STARD9: variants seen among roughly 807,000 people sequenced by gnomAD.
The protein encoded by STARD9 is StAR related lipid transfer domain containing 9, also known as stAR-related lipid transfer protein 9.
In STARD9, 346 loss-of-function variants were observed where a neutral mutation model predicts 399.8. The observed-to-expected ratio is 0.87, with a 90% CI of 0.79 to 0.95. The LOEUF (loss-of-function observed/expected upper bound fraction) is 0.95, where lower values mean the gene tolerates loss of function less well. Ranked by LOEUF, STARD9 falls within the 40% of genes least tolerant of loss-of-function variation. The probability of loss-of-function intolerance (pLI) is 0.00; values close to 1 mark genes in which losing one functional copy is unlikely to be tolerated. For synonymous variants in STARD9, 2,203 were observed against 2,143.5 expected, an observed-to-expected ratio of 1.03 and a Z score of -0.77; for missense variants, 5,832 against 5,667.5, an observed-to-expected ratio of 1.03 and a Z score of -0.93.
At chr15:42,673,551 C>A (rs2060246361) in intron 16 of STARD9, among the ~76,000 whole-genome samples, 1 of 152,076 alleles carries the variant, frequency 6.6e-6, no homozygotes, top group African/African-American at 2.4e-5. Context: ...GGCAGTTTAT[C>A]CCCTGTGAGC....
chr15:42,591,061 C>T (rs1239524045), intron 3 of STARD9, among the ~76,000 whole-genome samples: 1 of 152,184 alleles, frequency 6.6e-6, no homozygotes, highest in Non-Finnish European at 1.5e-5. Flanking sequence ...GTTTGTTGAC[C>T]TCAGCGCTGT....
chr15:42,689,989 C>T lies in STARD9; in HGVS notation c.8411C>T (p.Ala2804Val), dbSNP rs1249133863. ...GEVSDNLLVT[A>V]QGEKTAHFES... The stretch of plus-strand genomic sequence containing the variant: ...GTTTCAGATAATTTGTTAGTGACTG[C>T]ACAGGGAGAAAAAACAGCCCATTTT... The change falls in exon 23 of 33, where the codon GCA (alanine) becomes GTA (valine). Residue 2804 changes from alanine to valine, a missense_variant. Ala to Val is a moderately conservative substitution (Grantham distance 64). This residue lies in a region of STARD9 where 5,828 missense variants were observed against 5,651.1 expected (regional missense o/e 1.03). Coordinates refer to ENST00000290607, the MANE Select transcript of STARD9 (RefSeq NM_020759.3). The T allele has an allele frequency of 4.6e-6, 7 of 1,537,270 alleles. No homozygotes were observed. In the South Asian group the frequency reaches 5.9e-5, roughly 13 times the overall value.
At position 42,585,598 on chromosome 15, in the gene STARD9, A is replaced by G. The variant is rs1354091984; in HGVS notation, c.195A>G (p.Ser65=). The change falls in exon 3 of 33, where the codon TCA becomes TCG. Residue 65 remains serine, a synonymous_variant. Coordinates refer to ENST00000290607, the MANE Select transcript of STARD9 (RefSeq NM_020759.3). ...TTGGCTTTGATTACTGCTACTGGTC[A>G]GTCAACCCAGAGGATCCCCAGTATG... ...MAFGFDYCYW[S]VNPEDPQYAS... 1 of 1,537,170 alleles carries G rather than the reference A, an allele frequency of 6.5e-7. No homozygotes were observed. Among genetic ancestry groups the G allele is most frequent in the Admixed American group, 2.0e-5 (1 of 51,000 alleles).
At chr15:42,707,452 A>G (rs12594724) in intron 26 of STARD9, among the ~76,000 whole-genome samples, 8,594 of 151,584 alleles carry the variant, frequency 0.057, 558 homozygotes, top group African/African-American at 0.17. Flanking sequence ...ACCTAGGCAG[A>G]ATACTGAGTG....
At position 42,686,641 on chromosome 15, in the gene STARD9, C is replaced by T; in HGVS notation, c.5063C>T (p.Pro1688Leu). Residue 1688 changes from proline to leucine, a missense_variant, in exon 23 of 33, where the codon CCC (proline) becomes CTC (leucine). By Grantham distance (98) the Pro-to-Leu change is moderately conservative. Transcript: ENST00000290607. ...NSAVQPGQLS[P>L]DSHYPLEEEK... is the part of the protein sequence containing the mutation. ...GCAGTCCAGCCAGGGCAATTAAGTC[C>T]CGACAGCCACTACCCACTAGAGGAA... 6.5e-7 allele frequency: 1 copy of T among 1,537,268 alleles called. No homozygotes were observed. The highest frequency in any genetic ancestry group is 8.7e-7 in the Non-Finnish European group (1 of 1,146,944).
In STARD9 at chr15:42,638,763, C is replaced by G. The variant is rs2059472731; in HGVS notation, c.510C>G (p.Ser170=). 1.3e-6 allele frequency: 2 copies of G among 1,536,682 alleles called. No homozygotes were observed. The highest frequency in any genetic ancestry group is 1.7e-6 in the Non-Finnish European group (2 of 1,146,560). Residue 170 remains serine (S), a synonymous_variant, in exon 7 of 33, where the codon TCC becomes TCG. Transcript: ENST00000290607. ...TGAAGCAATCTGGTCAAAAAAAGTC[C>G]TATACCCTGCGGGTCAGGGAGCATC... The part of the protein sequence containing the change: ...DLLKQSGQKK[S]YTLRVREHPE...
rs869264641 is a variant in STARD9, at chr15:42,656,327, TAAAAAAAAAAAAAAAAAAAAAA to T, written c.702+3754_702+3775del. On this transcript the variant is annotated intron_variant, in intron 9 of 32. Transcript: ENST00000290607. Reference sequence around the variant, plus strand: ...ATGCCACTGCACTCCAGCCATCTCCTAAAAAAAAAAAAAAAAAAAAAAAAAAAAAAAAAAAAAAAAGATGTTG... The same window carrying T: ...ATGCCACTGCACTCCAGCCATCTCCTAAAAAAAAAAAAAAAAAAGATGTTG... 2.5e-3 allele frequency among the ~76,000 whole-genome samples: 89 copies of T among 35,346 alleles called. 2 individuals carry two copies. The highest frequency in any genetic ancestry group is 8.0e-3 in the African/African-American group (74 of 9,222). The allele number at this position is 35,346 out of a possible 152,430, so 23.2% of individuals were successfully genotyped here. A position where few individuals can be genotyped will look rare whatever the true frequency, so the allele number is the denominator to read the frequency against.
chr15:42,717,302 T>C (rs1438082472), intron 28 of STARD9, among the ~76,000 whole-genome samples: 1 of 151,792 alleles, frequency 6.6e-6, no homozygotes, highest in East Asian at 1.9e-4. Flanking sequence ...CTGGGAAGCA[T>C]AGCAAGACCC....
chr15:42,599,568 C>T lies in STARD9; in HGVS notation c.234+13931C>T, dbSNP rs552921599. Among the ~76,000 whole-genome samples, 14 of 152,324 alleles carry T rather than the reference C, an allele frequency of 9.2e-5. No individual in the cohort carries two copies. In the East Asian group the frequency reaches 2.5e-3, roughly 27 times the overall value. On this transcript the variant is annotated intron_variant, in intron 3 of 32. Coordinates refer to ENST00000290607, the MANE Select transcript of STARD9 (RefSeq NM_020759.3). The stretch of plus-strand genomic sequence containing the variant: ...TTGAAGTCACCATCTCTTGGATTCT[C>T]ATAGTATCTTGTTACTCCCTTGTGA...
At chr15:42,583,025 T>C (rs1405296261) in intron 1 of STARD9, among the ~76,000 whole-genome samples, 92 of 152,304 alleles carry the variant, frequency 6.0e-4, no homozygotes, top group Non-Finnish European at 8.8e-5. Flanking sequence ...AAAAATGATA[T>C]GTTAGCAAGC....
intron 3 of STARD9, among the ~76,000 whole-genome samples, chr15:42,633,886 C>T (rs1432820867): frequency 6.6e-6 from 1 of 152,008 alleles, no homozygotes. Context: ...TCAGGTGATC[C>T]ACCCACCTCA....
In STARD9 at chr15:42,685,820, A is replaced by G; in HGVS notation, c.4242A>G (p.Thr1414=). ...TCTGCAGTGCAAGAGATGAGCACACAGCCTCTGCTGCTGATACGTCTAGGC... is the reference window on the plus strand; with the variant it reads ...TCTGCAGTGCAAGAGATGAGCACACGGCCTCTGCTGCTGATACGTCTAGGC... ...ELLCSARDEH[T]ASAADTSRLS... Residue 1414 remains threonine, a synonymous_variant, in exon 23 of 33, where the codon ACA becomes ACG. Coordinates refer to ENST00000290607, the MANE Select transcript of STARD9 (RefSeq NM_020759.3). 3 of 1,537,210 alleles carry G rather than the reference A, an allele frequency of 2.0e-6. No individual in the cohort carries two copies. Among genetic ancestry groups the G allele is most frequent in the Non-Finnish European group, 2.6e-6 (3 of 1,146,950 alleles).
At chr15:42,609,649 A>G (rs1333311540) in intron 3 of STARD9, among the ~76,000 whole-genome samples, 1 of 151,660 alleles carries the variant, frequency 6.6e-6, no homozygotes, top group Non-Finnish European at 1.5e-5. Flanking sequence ...CATGTTGGCC[A>G]GGCTAGTCTT....
In STARD9 at chr15:42,688,580, C is replaced by A; in HGVS notation, c.7002C>A (p.Thr2334=). 1 of 1,537,666 alleles carries A rather than the reference C, an allele frequency of 6.5e-7. No homozygotes were observed. The highest frequency in any genetic ancestry group is 8.7e-7 in the Non-Finnish European group (1 of 1,147,036). Residue 2334 remains threonine, a synonymous_variant, in exon 23 of 33, where the codon ACC becomes ACA. Transcript: ENST00000290607. ...TAPLHQDLSN[T]LPLNSPRWPR... ...CTCTTCACCAAGACCTGAGTAATAC[C>A]TTGCCCTTGAATTCTCCAAGGTGGC... is the stretch of plus-strand genomic sequence containing the variant.
In STARD9 at chr15:42,685,319, C is replaced by T. The variant is rs1181815703; in HGVS notation, c.3741C>T (p.Asp1247=). 2 of 1,537,330 alleles carry T rather than the reference C, an allele frequency of 1.3e-6. No individual in the cohort carries two copies. Among genetic ancestry groups the T allele is most frequent in the African/African-American group, 1.4e-5 (1 of 73,022 alleles). ...AGGACTCTAGTCTGCCTGTAATGGACCAAGAGGCAATATGCAGGCTTGGTC... is the reference window on the plus strand; with the variant it reads ...AGGACTCTAGTCTGCCTGTAATGGATCAAGAGGCAATATGCAGGCTTGGTC... ...HLEDSSLPVM[D]QEAICRLGPI... The change falls in exon 23 of 33, where the codon GAC becomes GAT. Residue 1247 remains aspartate (D), a synonymous_variant. Transcript: ENST00000290607.
At chr15:42,640,858 G>A (rs2059522074) in intron 7 of STARD9, among the ~76,000 whole-genome samples, 2 of 151,038 alleles carry the variant, frequency 1.3e-5, no homozygotes, top group African/African-American at 4.9e-5. Flanking sequence ...GTGTATGTGT[G>A]GGAGGAGTAA....
intron 7 of STARD9, among the ~76,000 whole-genome samples, chr15:42,648,994 C>G (rs1566902779): frequency 6.6e-6 from 1 of 152,082 alleles, no homozygotes; most frequent in Non-Finnish European, 1.5e-5. Context: ...GCCTCAGCCT[C>G]CCAAGTAGCT....
In STARD9 at chr15:42,684,487, C is replaced by G; in HGVS notation, c.2909C>G (p.Ser970Cys). ...AGGCATGAGCCAAAGATCTTCACCT[C>G]TACTACCCAGACCAGAGGGGCGAAG... The part of the protein sequence containing the change: ...KPRHEPKIFT[S>C]TTQTRGAKGL... Residue 970 changes from serine (S) to cysteine (C), a missense_variant, in exon 23 of 33, where the codon TCT becomes TGT. Coordinates refer to ENST00000290607, the MANE Select transcript of STARD9 (RefSeq NM_020759.3). 1 of 1,537,244 alleles carries G rather than the reference C, an allele frequency of 6.5e-7. No individual in the cohort carries two copies. Among genetic ancestry groups the G allele is most frequent in the Non-Finnish European group, 8.7e-7 (1 of 1,146,900 alleles).
At chr15:42,669,550 A>G (rs1324595101) in intron 16 of STARD9, 3 of 411,670 alleles carry the variant, frequency 7.3e-6, no homozygotes, top group Non-Finnish European at 1.3e-5. Flanking sequence ...AAATCAGAAC[A>G]ATTGTTTTTC....
Sources: gnomAD v4.1 joint callset for allele counts (sites outside exome capture counted in the v4.1 genomes callset) on GRCh38, gnomAD v4.1.1 for gene constraint, gnomAD v4.1.1 regional missense constraint, MANE v1.5 for transcripts, NCBI Gene and HGNC (gene_info 2026-07-23, HGNC 2026-07-21) for gene names.